Variants in PEX5L observed in about 807,000 individuals in gnomAD.
PEX5L encodes peroxisomal biogenesis factor 5 like.
Under a neutral mutation model 84.0 loss-of-function variants are expected in PEX5L, and 30 were observed. That is an observed-to-expected ratio of 0.36 (90% CI 0.27 to 0.48). PEX5L has a LOEUF of 0.48. Ranked by LOEUF, PEX5L falls within the 20% of genes least tolerant of loss-of-function variation. The pLI is 0.99. For missense variants in PEX5L, 533 were observed against 754.6 expected, an observed-to-expected ratio of 0.71 and a Z score of 3.44; for synonymous variants, 270 against 283.1, an observed-to-expected ratio of 0.95 and a Z score of 0.46.
Position 179,807,768 on chromosome 3 carries a change from C to G in PEX5L, c.1582G>C (p.Val528Leu). The G allele has an allele frequency of 6.2e-7, 1 of 1,614,056 alleles. No homozygotes were observed. The highest frequency in any genetic ancestry group is 8.5e-7 in the Non-Finnish European group (1 of 1,179,946). ...LANGDRSEEA[V>L]EAYTRALEIQ... ...TCCAGTGCTCGCGTATAGGCCTCCA[C>G]GGCTTCCTCGCTGCGGTCTCCGTTC... Residue 528 changes from valine (V) to leucine (L), a missense_variant, in exon 14 of 15, where the codon GTG (valine) becomes CTG (leucine). Val to Leu is a conservative substitution (Grantham distance 32, BLOSUM62 1). Transcript: ENST00000467460.
chr3:179,997,394 C>T (rs768036301), intron 1 of PEX5L, among the ~76,000 whole-genome samples: 6 of 152,138 alleles, frequency 3.9e-5, no homozygotes, highest in Non-Finnish European at 8.8e-5. Flanking sequence ...TCCCTAGTGC[C>T]AGAATGCATA....
At chr3:180,034,385 T>C (rs1266901842) in intron 1 of PEX5L, among the ~76,000 whole-genome samples, 3 of 152,182 alleles carry the variant, frequency 2.0e-5, no homozygotes, top group African/African-American at 7.2e-5. Context: ...TTTTGGAGTG[T>C]TTGGAATGTG....
chr3:179,874,568 T>G (rs1259855006), intron 6 of PEX5L, 145 bp from the exon 7 acceptor site: 1 of 538,730 alleles, frequency 1.9e-6, no homozygotes, highest in African/African-American at 1.9e-5. Context: ...ATAAGTTTCA[T>G]GTATTTCTAT....
intron 8 of PEX5L, among the ~76,000 whole-genome samples, chr3:179,845,895 C>T (rs1001978594): frequency 1.1e-4 from 16 of 152,186 alleles, no homozygotes; most frequent in Admixed American, 3.9e-4. Context: ...ATGGGCCAGG[C>T]GCGGTGGCTC....
chr3:179,863,154 C>T (rs769571457), intron 7 of PEX5L, among the ~76,000 whole-genome samples: 2 of 152,114 alleles, frequency 1.3e-5, no homozygotes, highest in African/African-American at 4.8e-5. Flanking sequence ...AATGAAATTA[C>T]ACCCTTTTCT....
chr3:179,977,034 T>C (rs964255098), intron 1 of PEX5L, among the ~76,000 whole-genome samples: 1 of 152,242 alleles, frequency 6.6e-6, no homozygotes, highest in Admixed American at 6.5e-5. Flanking sequence ...TGTATATTTG[T>C]AAGAAAAAAA....
chr3:179,874,726 GTTTTTTTTTTTGTTTT>G (rs1262116645), intron 6 of PEX5L, among the ~76,000 whole-genome samples: 13 of 45,204 alleles, frequency 2.9e-4, no homozygotes, highest in Admixed American at 2.0e-3. Flanking sequence ...AAAAATTATG[GTTTTTTTTTTTGTTTT>G]TTTTTTTTTT....
In PEX5L at chr3:179,937,245, T is replaced by C. The variant is rs536095430; in HGVS notation, c.93+34349A>G. On this transcript the variant is annotated intron_variant, in intron 2 of 14. Transcript: ENST00000467460. ...AACTGCAGATGAAATCCAAACAAAG[T>C]GTGGAGTCTACTTAATAGTAAGTAC... 2.5e-4 allele frequency among the ~76,000 whole-genome samples: 38 copies of C among 152,258 alleles called. No homozygotes were observed. In the South Asian group the frequency reaches 7.7e-3, roughly 31 times the overall value.
chr3:179,949,778 T>C (rs965507359), intron 2 of PEX5L, among the ~76,000 whole-genome samples: 22 of 152,188 alleles, frequency 1.4e-4, no homozygotes, highest in Non-Finnish European at 3.1e-4. Context: ...TATGGACAGG[T>C]TACCTAGAGG....
At chr3:179,952,257 A>G (rs923495517) in intron 2 of PEX5L, among the ~76,000 whole-genome samples, 3 of 152,224 alleles carry the variant, frequency 2.0e-5, no homozygotes, top group Non-Finnish European at 4.4e-5. Context: ...TTTAGGAAAC[A>G]ATATACCCAC....
chr3:180,009,955 T>C (rs1365749246), intron 1 of PEX5L, among the ~76,000 whole-genome samples: 1 of 152,086 alleles, frequency 6.6e-6, no homozygotes, highest in Admixed American at 6.6e-5. Flanking sequence ...TATTTATTTA[T>C]TTATTTGAGA....
chr3:179,861,913 A>T (rs775142056), intron 7 of PEX5L, among the ~76,000 whole-genome samples: 3 of 152,212 alleles, frequency 2.0e-5, no homozygotes, highest in Non-Finnish European at 4.4e-5. Flanking sequence ...CATGTGAGAG[A>T]ATTTTCTAAG....
chr3:179,843,689 C>T (rs535514267), intron 8 of PEX5L, among the ~76,000 whole-genome samples: 7 of 152,304 alleles, frequency 4.6e-5, no homozygotes, highest in Non-Finnish European at 8.8e-5. Flanking sequence ...ACTGTTGATA[C>T]TTTTGCATTT....
At chr3:179,918,051 T>G (rs1767862051) in intron 2 of PEX5L, among the ~76,000 whole-genome samples, 1 of 152,198 alleles carries the variant, frequency 6.6e-6, no homozygotes, top group Non-Finnish European at 1.5e-5. Flanking sequence ...ATGCAGAAAC[T>G]GAGACACAGA....
intron 3 of PEX5L, among the ~76,000 whole-genome samples, chr3:179,889,222 T>C (rs1301145743): frequency 6.6e-6 from 1 of 152,210 alleles, no homozygotes; most frequent in Non-Finnish European, 1.5e-5. Flanking sequence ...TGGCACAGTG[T>C]CAGCAGTCTC....
chr3:179,958,062 A>G (rs980080579), intron 2 of PEX5L, among the ~76,000 whole-genome samples: 1 of 152,114 alleles, frequency 6.6e-6, no homozygotes, highest in East Asian at 1.9e-4. Context: ...ACATATATAC[A>G]TACACACTCT....
At chr3:179,868,789 C>A (rs756820487) in intron 7 of PEX5L, among the ~76,000 whole-genome samples, 1 of 152,114 alleles carries the variant, frequency 6.6e-6, no homozygotes, top group South Asian at 2.1e-4. Flanking sequence ...CCTCCCATAA[C>A]GCATCCTGCA....
At chr3:180,031,259 A>C (rs1426905649) in intron 1 of PEX5L, among the ~76,000 whole-genome samples, 1 of 152,160 alleles carries the variant, frequency 6.6e-6, no homozygotes, top group African/African-American at 2.4e-5. Flanking sequence ...TAATATAGTA[A>C]TATATAAGCT....
chr3:179,850,729 T>G (rs1741508443), intron 8 of PEX5L, among the ~76,000 whole-genome samples: 1 of 152,234 alleles, frequency 6.6e-6, no homozygotes, highest in African/African-American at 2.4e-5. Context: ...GCCCAAAGAA[T>G]GTTTTCATAC....
Sources: gnomAD v4.1 joint callset for allele counts (sites outside exome capture counted in the v4.1 genomes callset) on GRCh38, gnomAD v4.1.1 for gene constraint, MANE v1.5 for transcripts, NCBI Gene and HGNC (gene_info 2026-07-23, HGNC 2026-07-21) for gene names.